CAMK1G: variants seen among roughly 807,000 people sequenced by gnomAD.
CAMK1G encodes the protein calcium/calmodulin dependent protein kinase IG.
CAMK1G carries 27 observed loss-of-function variants against 54.8 expected under a neutral mutation model. That is an observed-to-expected ratio of 0.49 (90% CI 0.36 to 0.68). The LOEUF (loss-of-function observed/expected upper bound fraction) is 0.68. Among genes scored for constraint, CAMK1G ranks in the 30% least tolerant of loss-of-function variants. The pLI is 0.00. For synonymous variants in CAMK1G, 238 were observed against 224.9 expected (o/e 1.06, Z -0.52); for missense variants, 512 against 591.0 (o/e 0.87, Z 1.39).
intron 1 of CAMK1G, among the ~76,000 whole-genome samples, chr1:209,586,819 T>A (rs957077152): frequency 6.6e-6 from 1 of 152,118 alleles, no homozygotes; most frequent in South Asian, 2.1e-4. Context: ...CAATGGCCCC[T>A]GTGTGTTGAC....
chr1:209,595,075 C>T lies in CAMK1G; in HGVS notation c.92C>T (p.Ser31Leu). 32 of 1,612,950 alleles carry T rather than the reference C, an allele frequency of 2.0e-5. No homozygotes were observed. The highest frequency in any genetic ancestry group is 1.7e-4 in the Middle Eastern group (1 of 6,056). ...TTCATTTTTATGGAAGTGCTGGGAT[C>T]GTAAGTCCTGGGGCTGTGAGGTCGG... ...KTFIFMEVLG[S>L]GAFSEVFLVK... The change falls in exon 2 of 13, where the codon TCA (serine) becomes TTA (leucine). Residue 31 changes from serine (S) to leucine (L), a missense_variant and splice_region_variant. Coordinates refer to ENST00000361322, the MANE Select transcript of CAMK1G (RefSeq NM_020439.3).
intron 3 of CAMK1G, among the ~76,000 whole-genome samples, chr1:209,602,676 T>C (rs1665558730): frequency 6.6e-6 from 1 of 152,228 alleles, no homozygotes; most frequent in South Asian, 2.1e-4. Flanking sequence ...TAAAATTACC[T>C]ACCAGCTATG....
At chr1:209,607,995 C>A in intron 7 of CAMK1G, 62 bp downstream of exon 7, 1 of 1,320,172 alleles carries the variant, frequency 7.6e-7, no homozygotes, top group South Asian at 1.3e-5. Context: ...TACCCCTTCT[C>A]GTTCCCTCCC....
chr1:209,610,502 G>C (rs1365785012), intron 9 of CAMK1G, among the ~76,000 whole-genome samples: 1 of 151,856 alleles, frequency 6.6e-6, no homozygotes, highest in Non-Finnish European at 1.5e-5. Flanking sequence ...TCCCAGGATT[G>C]CCAGCATACC....
intron 9 of CAMK1G, among the ~76,000 whole-genome samples, 173 bp downstream of exon 9, chr1:209,610,102 C>T (rs544223522): frequency 2.6e-4 from 39 of 152,286 alleles, no homozygotes; most frequent in African/African-American, 8.9e-4. Context: ...AAACATTATA[C>T]AGTGGAGCAG....
At chr1:209,597,142 G>A (rs531979881) in intron 2 of CAMK1G, among the ~76,000 whole-genome samples, 1 of 152,186 alleles carries the variant, frequency 6.6e-6, no homozygotes, top group South Asian at 2.1e-4. Flanking sequence ...GGGGCATGGT[G>A]GAGAGTGGAC....
intron 2 of CAMK1G, among the ~76,000 whole-genome samples, chr1:209,595,643 C>T (rs982706486): frequency 2.0e-5 from 3 of 152,182 alleles, no homozygotes; most frequent in African/African-American, 7.2e-5. Context: ...ATTTCTCCAG[C>T]AGTGAACAAC....
rs367680723 is a variant in CAMK1G at position 209,609,825 on chromosome 1, G to A, written c.749-26G>A. ...CAGTCATGAAATCTGGTCCTTAGTC[G>A]TCGTGTCTTTGATTACTCCCCTTAG... On this transcript the variant is annotated intron_variant, in intron 8 of 12. Transcript: ENST00000361322. The A allele has an allele frequency of 4.0e-5, 65 of 1,612,894 alleles. No individual in the cohort carries two copies. The Middle Eastern group carries it at 1.5e-3, about 37-fold the overall frequency.
In CAMK1G at chr1:209,604,342, G is replaced by T. The variant is rs181703302; in HGVS notation, c.296+1054G>T. ...GGATTAGCACACAGTAATTCAGAAG[G>T]CAGGGAGGCAAGGAGATGGGAAGAG... On this transcript the variant is annotated intron_variant, in intron 4 of 12. Transcript: ENST00000361322. 2.6e-5 allele frequency among the ~76,000 whole-genome samples: 4 copies of T among 152,258 alleles called. No individual in the cohort carries two copies. In the East Asian group the frequency reaches 7.7e-4, roughly 29 times the overall value.
At chr1:209,611,699 A>C in intron 10 of CAMK1G, 93 bp from the exon 11 acceptor site, 1 of 1,515,816 alleles carries the variant, frequency 6.6e-7, no homozygotes, top group Non-Finnish European at 8.9e-7. Context: ...GTGGGCACCC[A>C]GGTTTCAAGA....
chr1:209,612,978 G>A, intron 12 of CAMK1G, 62 bp from the exon 13 acceptor site: 1 of 854,370 alleles, frequency 1.2e-6, no homozygotes, highest in Non-Finnish European at 1.9e-6. Flanking sequence ...CCATGCCAGA[G>A]TGTGAGTGAT....
Position 209,584,258 on chromosome 1 carries a change from G to T in CAMK1G, c.-30+486G>T, listed in dbSNP as rs1665037857. ...TCTCTGCCGACCTCTTTGGGTTATTGGGAGGATTAGCAGAACCAATGGCAA... is the reference window on the plus strand; with the variant it reads ...TCTCTGCCGACCTCTTTGGGTTATTTGGAGGATTAGCAGAACCAATGGCAA... On this transcript the variant is annotated intron_variant, in intron 1 of 12. Coordinates refer to ENST00000361322, the MANE Select transcript of CAMK1G (RefSeq NM_020439.3). Among the ~76,000 whole-genome samples the T allele has an allele frequency of 3.3e-5, 5 of 152,102 alleles. No homozygotes were observed. The South Asian group carries it at 1.0e-3, about 32-fold the overall frequency.
intron 8 of CAMK1G, 54 bp downstream of exon 8, chr1:209,609,146 A>G (rs747930746): frequency 3.0e-5 from 49 of 1,608,594 alleles, no homozygotes; most frequent in Non-Finnish European, 3.9e-5. Flanking sequence ...GAGGCTGCCA[A>G]GAGAAATGAG....
intron 11 of CAMK1G, 73 bp from the exon 12 acceptor site, chr1:209,612,712 C>A: frequency 1.6e-6 from 2 of 1,256,040 alleles, no homozygotes; most frequent in African/African-American, 1.5e-5. Context: ...CAGAGAACTA[C>A]CACCTCTGCC....
chr1:209,601,970 C>T (rs771295509), intron 3 of CAMK1G, among the ~76,000 whole-genome samples: 3 of 152,164 alleles, frequency 2.0e-5, no homozygotes, highest in African/African-American at 4.8e-5. Flanking sequence ...GAGCCTAAGT[C>T]CTTAACCCCT....
rs1231372827 is a variant in CAMK1G, at chr1:209,605,674, G to A, written c.435G>A (p.Lys145=). ...HENGIVHRDL[K]PENLLYLTPE... ...ATGGCATCGTCCACAGAGACTTAAA[G>A]GTGTCAAGGCGGGAGTCCTGGGTGG... The change falls in exon 5 of 13, where the codon AAG becomes AAA. Residue 145 remains lysine (K), a splice_region_variant and synonymous_variant. Transcript: ENST00000361322. 2 of 1,612,892 alleles carry A rather than the reference G, an allele frequency of 1.2e-6. No individual in the cohort carries two copies. The highest frequency in any genetic ancestry group is 2.7e-5 in the African/African-American group (2 of 74,892).
chr1:209,609,230 G>A, intron 8 of CAMK1G, 138 bp downstream of exon 8: 2 of 987,048 alleles, frequency 2.0e-6, no homozygotes, highest in East Asian at 2.5e-5. Flanking sequence ...AAGGAAAGTG[G>A]AGAAATCTTC....
intron 1 of CAMK1G, among the ~76,000 whole-genome samples, 199 bp from the exon 2 acceptor site, chr1:209,594,756 T>G (rs185493902): frequency 6.6e-6 from 1 of 152,264 alleles, no homozygotes; most frequent in Admixed American, 6.5e-5. Context: ...GTAGTAGGCA[T>G]TCCATGAATT....
At chr1:209,611,717 A>G (rs1665784440) in intron 10 of CAMK1G, 75 bp from the exon 11 acceptor site, 1 of 1,556,006 alleles carries the variant, frequency 6.4e-7, no homozygotes, top group Non-Finnish European at 8.7e-7. Flanking sequence ...AGAGGCCACA[A>G]GGCAAAGGGA....
Sources: allele counts gnomAD v4.1 joint callset (sites outside exome capture counted in the v4.1 genomes callset), GRCh38; gene constraint gnomAD v4.1.1; transcripts MANE v1.5; gene names NCBI Gene and HGNC (gene_info 2026-07-23, HGNC 2026-07-21).